Variants in ROBO2 observed in about 807,000 individuals in gnomAD.
The protein encoded by ROBO2 is roundabout guidance receptor 2, also known as roundabout homolog 2.
Under a neutral mutation model 160.8 loss-of-function variants are expected in ROBO2, and 53 were observed. The ratio of observed to expected loss-of-function variants is 0.33; its 90% confidence interval spans 0.26 to 0.41. The LOEUF (loss-of-function observed/expected upper bound fraction) is 0.41. Among genes scored for constraint, ROBO2 ranks in the 10% least tolerant of loss-of-function variants. ROBO2 has a pLI of 1.00. For missense variants in ROBO2, 1,577 were observed against 1,722.4 expected, an observed-to-expected ratio of 0.92 and a Z score of 1.49; for synonymous variants, 664 against 611.7, an observed-to-expected ratio of 1.09 and a Z score of -1.26.
intron 2 of ROBO2, among the ~76,000 whole-genome samples, chr3:76,327,762 T>G (rs2073143273): frequency 6.6e-6 from 1 of 152,190 alleles, no homozygotes; most frequent in Non-Finnish European, 1.5e-5. Flanking sequence ...TCCATTCATA[T>G]GATGTGCAGA....
rs115911522 is a variant in ROBO2, at chr3:77,268,729, C to T, written c.388+170389C>T. On this transcript the variant is annotated intron_variant, in intron 2 of 25. Transcript: ENST00000461745. ...AATCTTGAGACAACATCACTGCAAG[C>T]AAGAAGCAGACATCTATTGCTAAAC... is the stretch of plus-strand genomic sequence containing the variant. 4.7e-3 allele frequency among the ~76,000 whole-genome samples: 722 copies of T among 152,298 alleles called. 6 individuals carry two copies. The highest frequency in any genetic ancestry group is 0.017 in the African/African-American group (690 of 41,550).
intron 2 of ROBO2, among the ~76,000 whole-genome samples, chr3:75,976,987 A>G (rs572156879): frequency 6.6e-6 from 1 of 151,732 alleles, no homozygotes; most frequent in East Asian, 2.0e-4. Context: ...TTTGCTTCCC[A>G]TTATGTAGCT....
chr3:76,053,395 T>G (rs2067719369), intron 2 of ROBO2, among the ~76,000 whole-genome samples: 1 of 152,002 alleles, frequency 6.6e-6, no homozygotes, highest in South Asian at 2.1e-4. Flanking sequence ...TAAAAATGCA[T>G]TGTAGATGTT....
At chr3:75,908,425 G>C (rs1559742670) in intron 1 of ROBO2, among the ~76,000 whole-genome samples, 1 of 145,476 alleles carries the variant, frequency 6.9e-6, no homozygotes, top group Non-Finnish European at 1.5e-5. Flanking sequence ...TAAATTTAAG[G>C]AGAAAAGTGA....
intron 2 of ROBO2, among the ~76,000 whole-genome samples, chr3:76,225,348 G>A (rs948201852): frequency 2.0e-5 from 3 of 152,112 alleles, no homozygotes; most frequent in Non-Finnish European, 4.4e-5. Flanking sequence ...AATTTTTTAT[G>A]TCGTAGGTAT....
chr3:76,327,839 G>A (rs1216229778), intron 2 of ROBO2, among the ~76,000 whole-genome samples: 1 of 151,974 alleles, frequency 6.6e-6, no homozygotes, highest in Non-Finnish European at 1.5e-5. Flanking sequence ...TATAGACAAC[G>A]GTGAATAGAG....
intron 2 of ROBO2, among the ~76,000 whole-genome samples, chr3:76,074,985 G>A (rs1452773133): frequency 2.0e-5 from 3 of 152,252 alleles, no homozygotes; most frequent in South Asian, 2.1e-4. Flanking sequence ...CATACTTGGG[G>A]GATGAGACCT....
intron 2 of ROBO2, among the ~76,000 whole-genome samples, chr3:77,447,358 T>C (rs1422160629): frequency 6.6e-6 from 1 of 152,130 alleles, no homozygotes; most frequent in Non-Finnish European, 1.5e-5. Flanking sequence ...TTTTTGCTGT[T>C]TATTAATATT....
At chr3:76,983,449 G>A (rs546806871) in intron 2 of ROBO2, among the ~76,000 whole-genome samples, 1 of 152,068 alleles carries the variant, frequency 6.6e-6, no homozygotes, top group South Asian at 2.1e-4. Flanking sequence ...CTAAATAAAG[G>A]AATAAAGTGA....
chr3:77,490,810 G>A (rs1366578280), intron 4 of ROBO2, among the ~76,000 whole-genome samples: 4 of 152,128 alleles, frequency 2.6e-5, no homozygotes, highest in Non-Finnish European at 5.9e-5. Flanking sequence ...GCGTCTGACT[G>A]ATCACCCAGT....
intron 2 of ROBO2, among the ~76,000 whole-genome samples, chr3:76,265,709 G>A (rs1052652432): frequency 1.3e-5 from 2 of 152,124 alleles, no homozygotes; most frequent in Non-Finnish European, 2.9e-5. Context: ...TGAAGACTCT[G>A]AGCTCACAGT....
chr3:76,172,420 C>T (rs1168150442), intron 2 of ROBO2, among the ~76,000 whole-genome samples: 1 of 133,524 alleles, frequency 7.5e-6, no homozygotes, highest in Non-Finnish European at 1.5e-5. Context: ...TACCCTAGAA[C>T]TTAAAGTATA....
intron 2 of ROBO2, among the ~76,000 whole-genome samples, chr3:76,168,300 T>G (rs2072911601): frequency 6.6e-6 from 1 of 152,162 alleles, no homozygotes; most frequent in Admixed American, 6.5e-5. Context: ...TACCACATAT[T>G]GAACTTCAGA....
chr3:76,567,457 T>A (rs905794982), intron 2 of ROBO2, among the ~76,000 whole-genome samples: 1 of 151,454 alleles, frequency 6.6e-6, no homozygotes, highest in Non-Finnish European at 1.5e-5. Flanking sequence ...TGAAAATAGC[T>A]CAACATATTT....
At chr3:76,641,396 A>G (rs928308981) in intron 2 of ROBO2, among the ~76,000 whole-genome samples, 1 of 152,164 alleles carries the variant, frequency 6.6e-6, no homozygotes, top group Non-Finnish European at 1.5e-5. Context: ...AACTCAATAT[A>G]ATCATCAGAA....
intron 2 of ROBO2, among the ~76,000 whole-genome samples, chr3:75,982,388 C>A (rs533338469): frequency 1.5e-3 from 221 of 151,610 alleles, no homozygotes; most frequent in African/African-American, 5.1e-3. Flanking sequence ...ACATTCCCGC[C>A]AACAGTGTAC....
chr3:76,765,684 T>C (rs2061541046), intron 2 of ROBO2, among the ~76,000 whole-genome samples: 1 of 151,648 alleles, frequency 6.6e-6, no homozygotes, highest in African/African-American at 2.4e-5. Flanking sequence ...AGAGCCAGTA[T>C]GTGCTGCCTG....
chr3:77,605,334 AG>A (rs1431927300), intron 20 of ROBO2, among the ~76,000 whole-genome samples: 2 of 152,156 alleles, frequency 1.3e-5, no homozygotes, highest in East Asian at 3.8e-4. Context: ...TAACAGCAAC[AG>A]ACTGTGGCTT....
At chr3:76,367,669 GC>G (rs2075892099) in intron 2 of ROBO2, among the ~76,000 whole-genome samples, 1 of 151,788 alleles carries the variant, frequency 6.6e-6, no homozygotes, top group Admixed American at 6.6e-5. Flanking sequence ...TGTTCAAGTG[GC>G]CCCAATTTCC....
Sources: allele counts gnomAD v4.1 joint callset (sites outside exome capture counted in the v4.1 genomes callset), GRCh38; gene constraint gnomAD v4.1.1; transcripts MANE v1.5; gene names NCBI Gene and HGNC (gene_info 2026-07-23, HGNC 2026-07-21).